The following ATP2B2 variants were observed in gnomAD, a reference collection of about 807,000 sequenced individuals.
ATP2B2 encodes ATPase plasma membrane Ca2+ transporting 2, also known as plasma membrane calcium-transporting ATPase 2.
A neutral mutation model predicts 120.0 loss-of-function variants in ATP2B2; 15 were observed. The observed-to-expected ratio is 0.12, with a 90% CI of 0.08 to 0.19. ATP2B2 has a LOEUF of 0.19. ATP2B2 is among the 10% of genes least tolerant of loss of function. The probability of loss-of-function intolerance (pLI) is 1.00; values close to 1 mark genes in which losing one functional copy is unlikely to be tolerated. For synonymous variants in ATP2B2, 694 were observed against 700.3 expected (o/e 0.99, Z 0.14); for missense variants, 1,045 against 1,719.8 (o/e 0.61, Z 6.94).
rs1464699231 is a variant in ATP2B2, at chr3:10,327,509, A to T, written c.*1305T>A. On this transcript the variant is annotated 3_prime_UTR_variant, in exon 23 of 23. Coordinates refer to ENST00000360273, the MANE Select transcript of ATP2B2 (RefSeq NM_001001331.4). ...TGCCAACAGCTCAGATGCTGCCATT[A>T]ATAAGGAAACAAACCTGTAAGTTAC... 1 of 152,640 alleles carries T rather than the reference A, an allele frequency of 6.6e-6. No individual in the cohort carries two copies. The highest frequency in any genetic ancestry group is 1.5e-5 in the Non-Finnish European group (1 of 68,048). 9.5% of individuals were successfully genotyped at this position (152,640 alleles called of 1,614,324 possible). A position where few individuals can be genotyped will look rare whatever the true frequency, so the allele number is the denominator to read the frequency against.
intron 2 of ATP2B2, among the ~76,000 whole-genome samples, chr3:10,562,251 G>C (rs2067918772): frequency 1.3e-5 from 2 of 152,220 alleles, no homozygotes; most frequent in Non-Finnish European, 2.9e-5. Flanking sequence ...GCAGTGAGGA[G>C]GGCTCCTCAG....
chr3:10,331,597 C>T (rs1574922871), intron 22 of ATP2B2, among the ~76,000 whole-genome samples: 1 of 152,012 alleles, frequency 6.6e-6, no homozygotes, highest in East Asian at 1.9e-4. Flanking sequence ...GGACACCCCG[C>T]CACGGCCATC....
chr3:10,515,075 C>A (rs1300531589), intron 3 of ATP2B2, among the ~76,000 whole-genome samples: 2 of 152,224 alleles, frequency 1.3e-5, no homozygotes, highest in African/African-American at 4.8e-5. Context: ...CTGTTTCTTT[C>A]TGGGGGACAC....
At chr3:10,388,447 C>T in intron 5 of ATP2B2, 45 bp from the exon 6 acceptor site, 5 of 1,613,622 alleles carry the variant, frequency 3.1e-6, no homozygotes, top group Non-Finnish European at 4.2e-6. Flanking sequence ...ATGGTTGAAG[C>T]CGTCTCCCCA....
rs2062199210 is a variant in ATP2B2 at position 10,400,936 on chromosome 3, A to G, written c.781+17T>C. 4.3e-6 allele frequency: 7 copies of G among 1,613,624 alleles called. No homozygotes were observed. Among genetic ancestry groups the G allele is most frequent in the Non-Finnish European group, 5.1e-6 (6 of 1,179,710 alleles). ...GCATGGCGACGGGAATGGGCCCAAC[A>G]TCAGGCTGAAGCTCACCTGACAGCA... is the stretch of plus-strand genomic sequence containing the variant. On this transcript the variant is annotated intron_variant, in intron 5 of 22. Coordinates refer to ENST00000360273, the MANE Select transcript of ATP2B2 (RefSeq NM_001001331.4).
At chr3:10,481,253 C>T (rs1349007481) in intron 1 of ATP2B2, among the ~76,000 whole-genome samples, 1 of 152,214 alleles carries the variant, frequency 6.6e-6, no homozygotes, top group Non-Finnish European at 1.5e-5. Flanking sequence ...ATTTATATCA[C>T]TTGCTTCTAA....
At chr3:10,478,405 T>A (rs1229180343) in intron 1 of ATP2B2, among the ~76,000 whole-genome samples, 1 of 152,244 alleles carries the variant, frequency 6.6e-6, no homozygotes, top group Non-Finnish European at 1.5e-5. Flanking sequence ...TTTTCTTTTG[T>A]TGTCTGTGCT....
intron 1 of ATP2B2, among the ~76,000 whole-genome samples, chr3:10,685,351 C>G (rs910489850): frequency 1.3e-5 from 2 of 152,192 alleles, no homozygotes; most frequent in Admixed American, 1.3e-4. Context: ...AAGCAGGCAG[C>G]TGAGCAAGCA....
At chr3:10,592,981 T>C (rs2068679447) in intron 2 of ATP2B2, among the ~76,000 whole-genome samples, 1 of 152,130 alleles carries the variant, frequency 6.6e-6, no homozygotes, top group Non-Finnish European at 1.5e-5. Context: ...AGATGAGGTT[T>C]TTCCATGTTG....
intron 1 of ATP2B2, among the ~76,000 whole-genome samples, chr3:10,681,537 AACATTC>A (rs1274150635): frequency 6.6e-6 from 1 of 152,230 alleles, no homozygotes. Flanking sequence ...TGTTCATGCA[AACATTC>A]ACTGAACGCC....
At chr3:10,707,833 G>A (rs2071921749) in intron 1 of ATP2B2, 1 of 152,660 alleles carries the variant, frequency 6.6e-6, no homozygotes, top group Admixed American at 6.6e-5. Flanking sequence ...GCCCGCGGAA[G>A]GGAAGCCAGC....
At chr3:10,405,284 C>T (rs1485154736) in intron 3 of ATP2B2, among the ~76,000 whole-genome samples, 2 of 152,198 alleles carry the variant, frequency 1.3e-5, no homozygotes, top group East Asian at 3.9e-4. Context: ...CCTATTCCAA[C>T]TCCCAGCCCT....
At chr3:10,643,318 G>A (rs1350059389) in intron 1 of ATP2B2, among the ~76,000 whole-genome samples, 1 of 152,218 alleles carries the variant, frequency 6.6e-6, no homozygotes, top group Non-Finnish European at 1.5e-5. Flanking sequence ...GCAGAGGCCT[G>A]TTTGATAAAC....
intron 1 of ATP2B2, among the ~76,000 whole-genome samples, chr3:10,625,320 G>A (rs1009612076): frequency 6.6e-6 from 1 of 152,160 alleles, no homozygotes; most frequent in Non-Finnish European, 1.5e-5. Flanking sequence ...ATGCTGTCAT[G>A]GGCTTCGGGG....
Position 10,365,126 on chromosome 3 carries a change from A to G in ATP2B2, c.1660-5003T>C, listed in dbSNP as rs185552967. Reference sequence around the variant, plus strand: ...ATGGCAAGGAAAGGTCTACTTGGCTAGGAGCCGAAGCAGGGGGTCTGGGCC... The same window carrying G: ...ATGGCAAGGAAAGGTCTACTTGGCTGGGAGCCGAAGCAGGGGGTCTGGGCC... On this transcript the variant is annotated intron_variant, in intron 12 of 22. Coordinates refer to ENST00000360273, the MANE Select transcript of ATP2B2 (RefSeq NM_001001331.4). 6.6e-3 allele frequency among the ~76,000 whole-genome samples: 1,002 copies of G among 152,346 alleles called. 4 individuals are homozygous for G. The highest frequency in any genetic ancestry group is 0.037 in the Middle Eastern group (11 of 294).
At chr3:10,539,325 C>T (rs111564404) in intron 2 of ATP2B2, among the ~76,000 whole-genome samples, 3,548 of 152,244 alleles carry the variant, frequency 0.023, 54 homozygotes, top group Middle Eastern at 0.085. Flanking sequence ...TCAATACTAA[C>T]CTCATCAAGC....
chr3:10,503,059 A>G (rs2066459115), intron 1 of ATP2B2, among the ~76,000 whole-genome samples: 2 of 152,136 alleles, frequency 1.3e-5, no homozygotes, highest in Non-Finnish European at 2.9e-5. Context: ...GATTACTATT[A>G]TTTACTTGGG....
intron 1 of ATP2B2, among the ~76,000 whole-genome samples, chr3:10,706,597 G>A (rs1285811034): frequency 6.6e-6 from 1 of 152,186 alleles, no homozygotes; most frequent in African/African-American, 2.4e-5. Context: ...GGAAGGCCAC[G>A]GGAATGATTA....
chr3:10,562,981 T>C (rs1294692974), intron 2 of ATP2B2, among the ~76,000 whole-genome samples: 1 of 152,250 alleles, frequency 6.6e-6, no homozygotes, highest in East Asian at 1.9e-4. Context: ...AACCTTCTTA[T>C]GGTTCCATCC....
Sources: gnomAD v4.1 joint callset for allele counts (sites outside exome capture counted in the v4.1 genomes callset) on GRCh38, gnomAD v4.1.1 for gene constraint, MANE v1.5 for transcripts, NCBI Gene and HGNC (gene_info 2026-07-23, HGNC 2026-07-21) for gene names.